TNR: variants seen among roughly 807,000 people sequenced by gnomAD.
TNR encodes tenascin R.
In TNR, 45 loss-of-function variants were observed where a neutral mutation model predicts 150.4. That is an observed-to-expected ratio of 0.30 (90% CI 0.24 to 0.38). TNR has a LOEUF of 0.38. TNR is among the 10% of genes least tolerant of loss of function. The pLI, the probability that TNR is intolerant of heterozygous loss-of-function variation, is 1.00. For synonymous variants in TNR, 687 were observed against 678.4 expected, an observed-to-expected ratio of 1.01 and a Z score of -0.20; for missense variants, 1,544 against 1,759.1, an observed-to-expected ratio of 0.88 and a Z score of 2.19.
intron 9 of TNR, among the ~76,000 whole-genome samples, chr1:175,379,226 G>A (rs371584026): frequency 6.6e-6 from 1 of 151,072 alleles, no homozygotes; most frequent in East Asian, 1.9e-4. Context: ...TGTGAAGAGT[G>A]GGCCAGGAGA....
intron 1 of TNR, among the ~76,000 whole-genome samples, chr1:175,687,795 C>T (rs915067861): frequency 1.1e-4 from 16 of 151,958 alleles, no homozygotes; most frequent in African/African-American, 3.9e-4. Flanking sequence ...CAAGATGCAT[C>T]CCATATGGCT....
intron 1 of TNR, among the ~76,000 whole-genome samples, chr1:175,663,188 C>T (rs1255959724): frequency 6.6e-6 from 1 of 152,212 alleles, no homozygotes; most frequent in Non-Finnish European, 1.5e-5. Flanking sequence ...AGCCGCCACG[C>T]TGGCGGGGGA....
chr1:175,681,357 G>T lies in TNR; in HGVS notation c.-165+61869C>A, dbSNP rs769084798. Among the ~76,000 whole-genome samples the T allele has an allele frequency of 2.0e-3, 302 of 152,314 alleles. 1 individual carries two copies. Among genetic ancestry groups the T allele is most frequent in the Non-Finnish European group, 3.8e-3 (259 of 68,018 alleles). ...GCGATGTGGAAGGCAAGACTGGCTT[G>T]CTGGGGATGCCAGTGGGACCCAGAG... On this transcript the variant is annotated intron_variant, in intron 1 of 22. Coordinates refer to ENST00000367674, the MANE Select transcript of TNR (RefSeq NM_003285.3).
chr1:175,490,673 C>CCA (rs1370270822), intron 2 of TNR, among the ~76,000 whole-genome samples: 2 of 152,104 alleles, frequency 1.3e-5, no homozygotes, highest in Non-Finnish European at 2.9e-5. Context: ...CAATGAGTTA[C>CCA]CATCTCACAC....
chr1:175,648,828 G>A (rs1039269414), intron 1 of TNR, among the ~76,000 whole-genome samples: 1 of 152,172 alleles, frequency 6.6e-6, no homozygotes, highest in African/African-American at 2.4e-5. Flanking sequence ...TGTCTACCCA[G>A]ATGCTTAGCC....
At chr1:175,708,003 G>C (rs1189444567) in intron 1 of TNR, among the ~76,000 whole-genome samples, 1 of 143,984 alleles carries the variant, frequency 6.9e-6, no homozygotes, top group African/African-American at 2.6e-5. Flanking sequence ...CAGGTACAAA[G>C]AGCCATGTGT....
intron 11 of TNR, 95 bp from the exon 12 acceptor site, chr1:175,365,374 G>C: frequency 7.3e-7 from 1 of 1,373,138 alleles, no homozygotes. Flanking sequence ...TGCTCTCCTT[G>C]CTAATAAGGG....
intron 2 of TNR, among the ~76,000 whole-genome samples, chr1:175,514,729 C>T (rs1043936728): frequency 1.3e-5 from 2 of 152,216 alleles, no homozygotes; most frequent in African/African-American, 2.4e-5. Context: ...GTGAGCATGA[C>T]GAGCACGTTG....
intron 1 of TNR, among the ~76,000 whole-genome samples, chr1:175,530,881 G>A (rs1660038653): frequency 3.3e-5 from 5 of 152,240 alleles, no homozygotes; most frequent in Admixed American, 3.3e-4. Context: ...GTGGATATGT[G>A]CACTTATTTA....
intron 1 of TNR, among the ~76,000 whole-genome samples, chr1:175,592,898 GA>G (rs1165083781): frequency 1.2e-4 from 18 of 152,306 alleles, no homozygotes; most frequent in African/African-American, 4.1e-4. Context: ...GGCCAAGCAA[GA>G]AATTCTTCAA....
At chr1:175,548,664 T>TCA (rs1660813607) in intron 1 of TNR, among the ~76,000 whole-genome samples, 1 of 68,418 alleles carries the variant, frequency 1.5e-5, no homozygotes, top group East Asian at 4.4e-4. Flanking sequence ...GTAAGCAAAA[T>TCA]TAAAAAAAAA....
chr1:175,639,043 G>T (rs892821650), intron 1 of TNR, among the ~76,000 whole-genome samples: 1 of 152,082 alleles, frequency 6.6e-6, no homozygotes, highest in Non-Finnish European at 1.5e-5. Flanking sequence ...TTCAAGATTT[G>T]ATCACTCCTC....
At chr1:175,736,160 C>T (rs1403040169) in intron 1 of TNR, among the ~76,000 whole-genome samples, 1 of 152,210 alleles carries the variant, frequency 6.6e-6, no homozygotes, top group East Asian at 1.9e-4. Flanking sequence ...AGGACATGTT[C>T]CATGACAGAC....
chr1:175,489,761 A>G (rs1658166506), intron 2 of TNR, among the ~76,000 whole-genome samples: 1 of 152,218 alleles, frequency 6.6e-6, no homozygotes, highest in Non-Finnish European at 1.5e-5. Context: ...TGTTTTTTAC[A>G]TCACTTTTTA....
chr1:175,643,652 A>C (rs1664730264), intron 1 of TNR, among the ~76,000 whole-genome samples: 1 of 152,254 alleles, frequency 6.6e-6, no homozygotes, highest in Non-Finnish European at 1.5e-5. Flanking sequence ...CAGAGCCTAG[A>C]GAACTTTTAA....
At chr1:175,548,134 C>A (rs1274334213) in intron 1 of TNR, among the ~76,000 whole-genome samples, 2 of 152,130 alleles carry the variant, frequency 1.3e-5, no homozygotes, top group African/African-American at 2.4e-5. Context: ...GCATCTGGCA[C>A]AACTGAGGCG....
In TNR at chr1:175,386,946, G is replaced by A. The variant is rs150919280; in HGVS notation, c.1508-645C>T. ...CCCCAGCTTCGGAACAGCCTCTTAC[G>A]GGTCATTTTTCTCCATCTGTTCTTG... On this transcript the variant is annotated intron_variant, in intron 7 of 22. Coordinates refer to ENST00000367674, the MANE Select transcript of TNR (RefSeq NM_003285.3). 4.6e-5 allele frequency among the ~76,000 whole-genome samples: 7 copies of A among 152,316 alleles called. No individual in the cohort carries two copies. In the East Asian group the frequency reaches 7.7e-4, roughly 17 times the overall value.
intron 1 of TNR, among the ~76,000 whole-genome samples, chr1:175,548,459 T>G (rs1660801745): frequency 6.6e-6 from 1 of 152,142 alleles, no homozygotes; most frequent in East Asian, 1.9e-4. Flanking sequence ...TTGGCTATAA[T>G]GAGAAATGTG....
rs1653790630 is a variant in TNR, at chr1:175,403,139, C to T, written c.976+1G>A. ...ACACCCCAGAGAGTTCCCCTGCCTA[C>T]CTGCTGAGCAGTCAGGGCCCTGGTA... On this transcript the variant is annotated splice_donor_variant, in intron 4 of 22. Transcript: ENST00000367674. LOFTEE classifies it high-confidence loss of function. The T allele has an allele frequency of 6.2e-7, 1 of 1,605,524 alleles. No homozygotes were observed. Among genetic ancestry groups the T allele is most frequent in the Non-Finnish European group, 8.5e-7 (1 of 1,173,232 alleles).
Sources: allele counts gnomAD v4.1 joint callset (sites outside exome capture counted in the v4.1 genomes callset), GRCh38; gene constraint gnomAD v4.1.1; transcripts MANE v1.5; gene names NCBI Gene and HGNC (gene_info 2026-07-23, HGNC 2026-07-21).